DISP1: variants seen among roughly 807,000 people sequenced by gnomAD.
DISP1 encodes the protein protein dispatched homolog 1.
In DISP1, 30 loss-of-function variants were observed where a neutral mutation model predicts 37.3. That is an observed-to-expected ratio of 0.80 (90% confidence interval 0.60 to 1.09). The LOEUF is 1.09. Among genes scored for constraint, DISP1 ranks in the 50% least tolerant of loss-of-function variants. The pLI is 0.00. For missense variants in DISP1, 1,598 were observed against 1,879.5 expected (o/e 0.85, Z 2.77); for synonymous variants, 634 against 690.2 (o/e 0.92, Z 1.28).
intron 1 of DISP1, among the ~76,000 whole-genome samples, chr1:222,918,399 A>G (rs1234695315): frequency 6.6e-6 from 1 of 152,170 alleles, no homozygotes; most frequent in African/African-American, 2.4e-5. Context: ...TAGTCCCAGG[A>G]GTTGTTGATT....
intron 7 of DISP1, 144 bp from the exon 8 acceptor site, chr1:222,994,741 A>G: frequency 3.1e-6 from 2 of 643,334 alleles, no homozygotes; most frequent in Non-Finnish European, 5.4e-6. Context: ...TTTCTCCTGG[A>G]ATTTATCAAA....
At position 223,005,383 on chromosome 1, in the gene DISP1, TCACG is replaced by T. The variant is rs763036343; in HGVS notation, c.3990_3993del (p.His1331SerfsTer11). The T allele has an allele frequency of 5.0e-5, 80 of 1,613,362 alleles. No homozygotes were observed. In the Middle Eastern group the frequency reaches 1.3e-3, roughly 27 times the overall value. ...GCTGTCGAGGGCTTTGTGCACCCCA[TCACG>T]CACATCCACCACTGTCCCTGCCTGC... On this transcript the variant is annotated frameshift_variant, in exon 9 of 9. Transcript: ENST00000675850. LOFTEE classifies it low-confidence loss of function (END_TRUNC).
At chr1:222,907,515 G>A (rs1327719325) in intron 1 of DISP1, among the ~76,000 whole-genome samples, 1 of 152,126 alleles carries the variant, frequency 6.6e-6, no homozygotes, top group African/African-American at 2.4e-5. Flanking sequence ...GGCCCTCCAG[G>A]GGATTCTGAT....
At chr1:222,962,364 T>A (rs143843530) in intron 3 of DISP1, among the ~76,000 whole-genome samples, 46 of 152,312 alleles carry the variant, frequency 3.0e-4, no homozygotes, top group African/African-American at 1.1e-3. Context: ...CCAAAGTGAT[T>A]TATAGATTCA....
chr1:222,936,657 CAT>C (rs1478066470), intron 2 of DISP1, among the ~76,000 whole-genome samples: 1 of 37,436 alleles, frequency 2.7e-5, no homozygotes, highest in African/African-American at 1.2e-4. Context: ...ATATATCTCT[CAT>C]ATATATGAGG....
intron 1 of DISP1, among the ~76,000 whole-genome samples, chr1:222,916,452 C>T (rs574993259): frequency 6.9e-4 from 105 of 152,270 alleles, no homozygotes; most frequent in Admixed American, 1.3e-3. Flanking sequence ...AATAAATATG[C>T]GAAAGATACC....
At chr1:222,951,567 A>G (rs1235102645) in intron 3 of DISP1, among the ~76,000 whole-genome samples, 1 of 118,620 alleles carries the variant, frequency 8.4e-6, no homozygotes, top group African/African-American at 3.3e-5. Context: ...TTGTGGCATG[A>G]ACCTGATCAT....
intron 1 of DISP1, among the ~76,000 whole-genome samples, chr1:222,909,460 A>T (rs17535882): frequency 0.2 from 30,347 of 152,104 alleles, 3,074 homozygotes; most frequent in Admixed American, 0.26. Flanking sequence ...GTTATTCAGG[A>T]TCCCATTGAC....
chr1:222,816,612 A>G (rs1389899616), intron 1 of DISP1, among the ~76,000 whole-genome samples: 1 of 152,216 alleles, frequency 6.6e-6, no homozygotes, highest in African/African-American at 2.4e-5. Context: ...TGGTACTGCG[A>G]TATCTTGCTA....
intron 1 of DISP1, among the ~76,000 whole-genome samples, chr1:222,927,410 T>C (rs1673148534): frequency 6.6e-6 from 1 of 152,212 alleles, no homozygotes; most frequent in Non-Finnish European, 1.5e-5. Context: ...TGTCCTTTTA[T>C]TGTTGAGTTG....
chr1:222,844,730 T>C (rs1362358985), intron 1 of DISP1, among the ~76,000 whole-genome samples: 1 of 152,150 alleles, frequency 6.6e-6, no homozygotes, highest in Admixed American at 6.5e-5. Flanking sequence ...AAATGCGTTA[T>C]GCAGCATTGT....
intron 3 of DISP1, among the ~76,000 whole-genome samples, chr1:222,969,002 TTAAG>T (rs1366302555): frequency 3.3e-5 from 5 of 152,110 alleles, no homozygotes; most frequent in Non-Finnish European, 1.5e-5. Flanking sequence ...ACCTAGATTA[TTAAG>T]TAAGTGGAAT....
At chr1:222,922,070 G>A (rs915815084) in intron 1 of DISP1, among the ~76,000 whole-genome samples, 4 of 140,508 alleles carry the variant, frequency 2.8e-5, no homozygotes, top group Non-Finnish European at 6.2e-5. Flanking sequence ...GGCCATTGCT[G>A]GTAGAGAGAC....
chr1:222,844,432 A>G (rs890055567), intron 1 of DISP1, among the ~76,000 whole-genome samples: 2 of 152,156 alleles, frequency 1.3e-5, no homozygotes, highest in African/African-American at 2.4e-5. Flanking sequence ...AGTATTATCT[A>G]TATCAGTACT....
chr1:222,879,434 T>C (rs2125363162), intron 1 of DISP1, among the ~76,000 whole-genome samples: 1 of 152,290 alleles, frequency 6.6e-6, no homozygotes, highest in South Asian at 2.1e-4. Flanking sequence ...CCTGTTTGTT[T>C]TTTTAGTAAC....
chr1:222,855,856 A>G (rs1380604971), intron 1 of DISP1, among the ~76,000 whole-genome samples: 1 of 150,848 alleles, frequency 6.6e-6, no homozygotes, highest in Non-Finnish European at 1.5e-5. Flanking sequence ...TGCGACTGGA[A>G]TTTTTCTCCA....
chr1:222,917,245 T>G, intron 1 of DISP1, among the ~76,000 whole-genome samples: 1 of 152,086 alleles, frequency 6.6e-6, no homozygotes, highest in East Asian at 1.9e-4. Flanking sequence ...TTGTCCCCCC[T>G]TCATTCAGTC....
chr1:223,003,516 G>A lies in DISP1; in HGVS notation c.2119G>A (p.Glu707Lys), dbSNP rs369580331. The A allele has an allele frequency of 2.9e-4, 475 of 1,613,786 alleles. No homozygotes were observed. The highest frequency in any genetic ancestry group is 8.0e-4 in the Admixed American group (48 of 59,984). ...TTCAGAAGCATCTCGAATTTTTTTC[G>A]AAAAAGTATTGCCATGCATTGTCAT... ...AISEASRIFF[E>K]KVLPCIVIKF... is the part of the protein sequence containing the mutation. The change falls in exon 9 of 9, where the codon GAA becomes AAA. Residue 707 changes from glutamate (E) to lysine (K), a missense_variant. Physicochemically the swap from Glu to Lys is moderately conservative, Grantham distance 56 (BLOSUM62 1). Coordinates refer to ENST00000675850, the MANE Select transcript of DISP1 (RefSeq NM_001377229.1). The surrounding 1 kb of genome is among the most constrained non-coding windows in gnomAD (Gnocchi z 4.3).
intron 2 of DISP1, among the ~76,000 whole-genome samples, chr1:222,938,338 C>T (rs965055191): frequency 6.7e-6 from 1 of 150,190 alleles, no homozygotes; most frequent in Non-Finnish European, 1.5e-5. Flanking sequence ...ACTCCTTATT[C>T]CACTCCTATT....
Sources: allele counts gnomAD v4.1 joint callset (sites outside exome capture counted in the v4.1 genomes callset), GRCh38; gene constraint gnomAD v4.1.1; non-coding constraint Gnocchi (gnomAD v3.1); transcripts MANE v1.5; gene names NCBI Gene and HGNC (gene_info 2026-07-23, HGNC 2026-07-21).